Variants in CAMSAP2 observed in about 807,000 individuals in gnomAD.
CAMSAP2 encodes the protein calmodulin-regulated spectrin-associated protein 2.
CAMSAP2 carries 26 observed loss-of-function variants against 146.1 expected under a neutral mutation model. That is an observed-to-expected ratio of 0.18 (90% CI 0.13 to 0.25). The LOEUF (loss-of-function observed/expected upper bound fraction) is 0.25. CAMSAP2 is among the 10% of genes least tolerant of loss of function. The probability of loss-of-function intolerance (pLI) is 1.00; values close to 1 mark genes in which losing one functional copy is unlikely to be tolerated. For synonymous variants in CAMSAP2, 499 were observed against 596.6 expected (o/e 0.84, Z 2.38); for missense variants, 1,381 against 1,759.3 (o/e 0.78, Z 3.85).
intron 4 of CAMSAP2, among the ~76,000 whole-genome samples, chr1:200,820,739 C>G (rs1666736363): frequency 6.6e-6 from 1 of 152,128 alleles, no homozygotes; most frequent in Admixed American, 6.5e-5. Context: ...GAAATGCTGC[C>G]TAGTCTATGC....
At chr1:200,818,503 A>G (rs1198789495) in intron 4 of CAMSAP2, among the ~76,000 whole-genome samples, 1 of 152,146 alleles carries the variant, frequency 6.6e-6, no homozygotes, top group Non-Finnish European at 1.5e-5. Context: ...CATACATAGC[A>G]TTTACCCCTT....
rs779816260 is a variant in CAMSAP2, at chr1:200,848,798, A to C, written c.2029A>C (p.Ser677Arg). ...TVSTKSQPGS[S>R]ASSSSGVKMT... ...AAGTACCAAGTCTCAGCCAGGCAGC[A>C]GTGCTTCTTCTAGTTCTGGAGTTAA... is the stretch of plus-strand genomic sequence containing the variant. The change falls in exon 11 of 17, where the codon AGT (serine) becomes CGT (arginine). Residue 677 changes from serine to arginine, a missense_variant. Ser to Arg is a moderately radical substitution (Grantham distance 110). Coordinates refer to ENST00000358823, the MANE Select transcript of CAMSAP2 (RefSeq NM_203459.4). The C allele has an allele frequency of 2.5e-6, 4 of 1,614,200 alleles. No homozygotes were observed. The highest frequency in any genetic ancestry group is 1.1e-5 in the South Asian group (1 of 91,084).
rs1474547801 is a variant in CAMSAP2 at position 200,739,515 on chromosome 1, C to T, written c.-313C>T. The T allele has an allele frequency of 1.2e-5, 2 of 163,800 alleles. No homozygotes were observed. The highest frequency in any genetic ancestry group is 2.4e-5 in the African/African-American group (1 of 41,716). 10.1% of individuals were successfully genotyped at this position (163,800 alleles called of 1,614,324 possible). A position where few individuals can be genotyped will look rare whatever the true frequency, so the allele number is the denominator to read the frequency against. On this transcript the variant is annotated 5_prime_UTR_variant, in exon 1 of 17. Transcript: ENST00000358823. The surrounding 1 kb of genome is among the most constrained non-coding windows in gnomAD (Gnocchi z 4.8). ...GAGACAAAGGGGAGGCGGCCTCGCT[C>T]ACACGCGGGCTCGCGGGGCGGGTGG...
chr1:200,857,417 TACTG>T lies in CAMSAP2; in HGVS notation c.4125_4128del (p.Ile1375MetfsTer13). 6.3e-7 allele frequency: 1 copy of T among 1,598,004 alleles called. No individual in the cohort carries two copies. On this transcript the variant is annotated frameshift_variant, in exon 16 of 17. Coordinates refer to ENST00000358823, the MANE Select transcript of CAMSAP2 (RefSeq NM_203459.4). LOFTEE classifies it high-confidence loss of function. This position sits in a 1 kb window ranked among gnomAD's most constrained non-coding sequence, Gnocchi z 4.7. ...GTAAATGAAGGTCAGAAGAAAAAAA[TACTG>T]GAGGTAAGCATGTTTGCATGAAAAT...
At chr1:200,764,432 T>A (rs543253792) in intron 2 of CAMSAP2, among the ~76,000 whole-genome samples, 1 of 152,334 alleles carries the variant, frequency 6.6e-6, no homozygotes, top group South Asian at 2.1e-4. Context: ...TTAACTTTGG[T>A]TTCTTCTGTG....
intron 13 of CAMSAP2, among the ~76,000 whole-genome samples, chr1:200,854,582 G>A (rs559314773): frequency 1.4e-4 from 21 of 152,164 alleles, no homozygotes; most frequent in African/African-American, 4.6e-4. Flanking sequence ...TGGAACGCAA[G>A]TTAGTTTTAT....
At chr1:200,745,517 G>A (rs1664297394) in intron 1 of CAMSAP2, among the ~76,000 whole-genome samples, 1 of 152,068 alleles carries the variant, frequency 6.6e-6, no homozygotes, top group African/African-American at 2.4e-5. Context: ...TAAACAATGA[G>A]ACAGATTTAG....
At chr1:200,854,537 T>C (rs576745271) in intron 13 of CAMSAP2, among the ~76,000 whole-genome samples, 3 of 152,294 alleles carry the variant, frequency 2.0e-5, no homozygotes, top group South Asian at 4.1e-4. Context: ...TTCTTTAGGA[T>C]CACAGTATCA....
intron 4 of CAMSAP2, among the ~76,000 whole-genome samples, chr1:200,826,534 A>G (rs1010946743): frequency 2.6e-5 from 4 of 152,198 alleles, no homozygotes; most frequent in African/African-American, 4.8e-5. Context: ...GAGGTCTCCA[A>G]TAAAGACCAC....
chr1:200,799,640 T>G (rs191785556), intron 2 of CAMSAP2, among the ~76,000 whole-genome samples: 425 of 152,302 alleles, frequency 2.8e-3, no homozygotes, highest in African/African-American at 9.4e-3. Context: ...ATTCATTGAT[T>G]TTTTTGAAGG....
At chr1:200,823,630 G>T (rs1666830366) in intron 4 of CAMSAP2, among the ~76,000 whole-genome samples, 1 of 152,044 alleles carries the variant, frequency 6.6e-6, no homozygotes, top group African/African-American at 2.4e-5. Context: ...TGTATCACGG[G>T]GTACATGATA....
intron 1 of CAMSAP2, among the ~76,000 whole-genome samples, chr1:200,759,587 C>T (rs1474262447): frequency 1.3e-5 from 2 of 152,066 alleles, no homozygotes; most frequent in Non-Finnish European, 2.9e-5. Flanking sequence ...GCAGATTTTT[C>T]GAAGTACCAG....
At chr1:200,743,916 G>A (rs1014724894) in intron 1 of CAMSAP2, among the ~76,000 whole-genome samples, 1 of 151,046 alleles carries the variant, frequency 6.6e-6, no homozygotes, top group East Asian at 1.9e-4. Context: ...ATTCCAGCCT[G>A]GGCAACAGAG....
chr1:200,830,808 G>A (rs1397087898), intron 4 of CAMSAP2, among the ~76,000 whole-genome samples: 3 of 152,044 alleles, frequency 2.0e-5, no homozygotes, highest in East Asian at 1.9e-4. Flanking sequence ...TCTTAAATAC[G>A]GAGTCTATTA....
intron 10 of CAMSAP2, 100 bp downstream of exon 10, chr1:200,847,809 A>C (rs1667499877): frequency 9.0e-7 from 1 of 1,110,640 alleles, no homozygotes; most frequent in Non-Finnish European, 1.3e-6. Context: ...TAAAACTTTT[A>C]ATTAGTTCCT....
chr1:200,803,566 TTC>T (rs1204374276), intron 2 of CAMSAP2, among the ~76,000 whole-genome samples: 14 of 152,066 alleles, frequency 9.2e-5, no homozygotes, highest in African/African-American at 2.7e-4. Context: ...TGTATATACT[TTC>T]TGTTATACAT....
intron 2 of CAMSAP2, among the ~76,000 whole-genome samples, chr1:200,805,213 C>T (rs768789391): frequency 6.6e-5 from 10 of 152,198 alleles, no homozygotes; most frequent in Admixed American, 2.0e-4. Flanking sequence ...TCTTACAAAG[C>T]GTCAGCTTTC....
chr1:200,816,659 C>T (rs1183451340), intron 4 of CAMSAP2, among the ~76,000 whole-genome samples: 2 of 143,166 alleles, frequency 1.4e-5, no homozygotes, highest in African/African-American at 5.1e-5. Context: ...TATGCACACA[C>T]ATACACATGT....
intron 1 of CAMSAP2, among the ~76,000 whole-genome samples, chr1:200,749,271 C>G (rs1664431913): frequency 6.6e-6 from 1 of 152,210 alleles, no homozygotes; most frequent in Non-Finnish European, 1.5e-5. Context: ...CACACTTGCT[C>G]TATTAGACAT....
Sources: gnomAD v4.1 joint callset for allele counts (sites outside exome capture counted in the v4.1 genomes callset) on GRCh38, gnomAD v4.1.1 for gene constraint, Gnocchi (gnomAD v3.1) non-coding constraint, MANE v1.5 for transcripts, NCBI Gene and HGNC (gene_info 2026-07-23, HGNC 2026-07-21) for gene names.